XYLT1: variants seen among roughly 807,000 people sequenced by gnomAD.
The protein encoded by XYLT1 is xylosyltransferase 1.
In XYLT1, 36 loss-of-function variants were observed where a neutral mutation model predicts 91.3. That is an observed-to-expected ratio of 0.39 (90% confidence interval 0.30 to 0.52). The LOEUF (loss-of-function observed/expected upper bound fraction) is 0.52. XYLT1 is among the 20% of genes least tolerant of loss of function. The pLI, the probability that XYLT1 is intolerant of heterozygous loss-of-function variation, is 0.68. For synonymous variants in XYLT1, 588 were observed against 532.0 expected, an observed-to-expected ratio of 1.11 and a Z score of -1.45; for missense variants, 1,242 against 1,284.5, an observed-to-expected ratio of 0.97 and a Z score of 0.51.
intron 3 of XYLT1, among the ~76,000 whole-genome samples, chr16:17,214,157 G>A (rs564590029): frequency 1.3e-3 from 200 of 152,268 alleles, no homozygotes; most frequent in Non-Finnish European, 2.7e-3. Flanking sequence ...TCATCTCCCT[G>A]GGAGGCAGAA....
intron 1 of XYLT1, among the ~76,000 whole-genome samples, chr16:17,442,112 T>C (rs115358523): frequency 0.012 from 1,773 of 152,294 alleles, 28 homozygotes; most frequent in African/African-American, 0.04. Context: ...GATGAAAACA[T>C]TGGCCCTTCC....
intron 1 of XYLT1, among the ~76,000 whole-genome samples, chr16:17,418,850 AAAAT>A (rs947068736): frequency 2.0e-4 from 31 of 151,984 alleles, no homozygotes; most frequent in African/African-American, 7.0e-4. Flanking sequence ...CCTGTCTCAA[AAAAT>A]AAATAAATAA....
intron 1 of XYLT1, among the ~76,000 whole-genome samples, chr16:17,457,239 T>A (rs535328370): frequency 6.6e-6 from 1 of 152,344 alleles, no homozygotes; most frequent in Non-Finnish European, 1.5e-5. Flanking sequence ...CCCTATGCTG[T>A]CATTATTCCA....
chr16:17,413,262 G>C (rs902978202), intron 1 of XYLT1, among the ~76,000 whole-genome samples: 5 of 152,154 alleles, frequency 3.3e-5, no homozygotes, highest in African/African-American at 1.2e-4. Flanking sequence ...ACTGTGCACT[G>C]AGGGGACACT....
At chr16:17,225,030 C>T (rs1349630811) in intron 3 of XYLT1, among the ~76,000 whole-genome samples, 1 of 152,076 alleles carries the variant, frequency 6.6e-6, no homozygotes, top group Non-Finnish European at 1.5e-5. Flanking sequence ...TGTGGGCTAT[C>T]ATTTGCCAGT....
At chr16:17,352,053 G>C (rs961821887) in intron 2 of XYLT1, among the ~76,000 whole-genome samples, 2 of 152,122 alleles carry the variant, frequency 1.3e-5, no homozygotes, top group Non-Finnish European at 2.9e-5. Context: ...CCAGGAGGTT[G>C]AAGCTGCAGT....
chr16:17,149,736 T>C (rs2031236693), intron 6 of XYLT1, among the ~76,000 whole-genome samples: 1 of 152,230 alleles, frequency 6.6e-6, no homozygotes, highest in Admixed American at 6.5e-5. Flanking sequence ...TTTTGAGTCC[T>C]GGAATCAGAT....
At chr16:17,281,285 G>A (rs2141784838) in intron 2 of XYLT1, among the ~76,000 whole-genome samples, 1 of 152,090 alleles carries the variant, frequency 6.6e-6, no homozygotes, top group East Asian at 1.9e-4. Context: ...ATCCAGGGGA[G>A]TGGTGGAAGG....
At chr16:17,401,334 G>A (rs576665888) in intron 1 of XYLT1, among the ~76,000 whole-genome samples, 59 of 152,260 alleles carry the variant, frequency 3.9e-4, no homozygotes, top group African/African-American at 1.3e-3. Context: ...AAAGCCAGAC[G>A]GACTTCCTGC....
At chr16:17,319,929 T>G (rs950949012) in intron 2 of XYLT1, among the ~76,000 whole-genome samples, 4 of 152,180 alleles carry the variant, frequency 2.6e-5, no homozygotes, top group African/African-American at 9.7e-5. Flanking sequence ...CCCACTGGAA[T>G]TCCTGGAGTC....
chr16:17,408,098 TTC>T (rs2036057250), intron 1 of XYLT1, among the ~76,000 whole-genome samples: 1 of 152,332 alleles, frequency 6.6e-6, no homozygotes, highest in East Asian at 1.9e-4. Flanking sequence ...CAAATAAACT[TTC>T]TTTCTTTATA....
At chr16:17,228,703 C>G (rs1053894645) in intron 3 of XYLT1, among the ~76,000 whole-genome samples, 1 of 152,138 alleles carries the variant, frequency 6.6e-6, no homozygotes, top group African/African-American at 2.4e-5. Context: ...TTTTGCTCCT[C>G]CGGACCTGTG....
chr16:17,378,067 A>C (rs2035625274), intron 1 of XYLT1, among the ~76,000 whole-genome samples: 1 of 152,130 alleles, frequency 6.6e-6, no homozygotes, highest in South Asian at 2.1e-4. Context: ...TACAGTACTC[A>C]AATGTCACGG....
chr16:17,260,577 G>A (rs1332158887), intron 2 of XYLT1, among the ~76,000 whole-genome samples: 1 of 152,096 alleles, frequency 6.6e-6, no homozygotes, highest in Non-Finnish European at 1.5e-5. Flanking sequence ...AAGGTGTCGG[G>A]GCCTGAACAG....
At chr16:17,235,472 C>G (rs2033233079) in intron 3 of XYLT1, among the ~76,000 whole-genome samples, 1 of 152,072 alleles carries the variant, frequency 6.6e-6, no homozygotes, top group Non-Finnish European at 1.5e-5. Context: ...CCAAAGGTCA[C>G]ACAGCTGGAA....
At chr16:17,335,524 C>T (rs1197163503) in intron 2 of XYLT1, among the ~76,000 whole-genome samples, 1 of 151,430 alleles carries the variant, frequency 6.6e-6, no homozygotes, top group African/African-American at 2.4e-5. Flanking sequence ...AACCATATCT[C>T]TACTAAAAAT....
At chr16:17,142,496 T>C (rs2031010515) in intron 6 of XYLT1, among the ~76,000 whole-genome samples, 1 of 148,380 alleles carries the variant, frequency 6.7e-6, no homozygotes, top group South Asian at 2.1e-4. Flanking sequence ...TGCAGTGGCA[T>C]GATCTTGGCT....
intron 1 of XYLT1, among the ~76,000 whole-genome samples, chr16:17,449,552 G>A (rs1485016486): frequency 6.6e-6 from 1 of 152,228 alleles, no homozygotes; most frequent in Non-Finnish European, 1.5e-5. Flanking sequence ...GCAACCTTGC[G>A]AGAGTTACTT....
chr16:17,225,566 C>T (rs547668690), intron 3 of XYLT1, among the ~76,000 whole-genome samples: 18 of 151,142 alleles, frequency 1.2e-4, no homozygotes, highest in African/African-American at 4.4e-4. Flanking sequence ...CTGCTTGAAG[C>T]GTTTCAGGAA....
Sources: allele counts gnomAD v4.1 joint callset (sites outside exome capture counted in the v4.1 genomes callset), GRCh38; gene constraint gnomAD v4.1.1; transcripts MANE v1.5; gene names NCBI Gene and HGNC (gene_info 2026-07-23, HGNC 2026-07-21).